Variants in NNT observed in about 807,000 individuals in gnomAD.
NNT encodes the protein nicotinamide nucleotide transhydrogenase, also known as NAD(P) transhydrogenase, mitochondrial.
NNT carries 50 observed loss-of-function variants against 104.8 expected under a neutral mutation model. The ratio of observed to expected loss-of-function variants is 0.48; its 90% CI spans 0.38 to 0.60. NNT has a LOEUF of 0.60. Among genes scored for constraint, NNT ranks in the 20% least tolerant of loss-of-function variants. The pLI is 0.00. For missense variants in NNT, 1,131 were observed against 1,330.7 expected (o/e 0.85, Z 2.33); for synonymous variants, 461 against 490.4 (o/e 0.94, Z 0.79).
chr5:43,661,389 T>TTTTATTTATTTATTTATTTA lies in NNT; in HGVS notation c.2634+2051_2634+2070dup, dbSNP rs372098953. On this transcript the variant is annotated intron_variant, in intron 17 of 21. Transcript: ENST00000344920. ...AACTTGCGGTTTGTCAGAAAGTGGC[T>TTTTATTTATTTATTTATTTA]TTTATTTATTTATTTATTTATTTAT... Among the ~76,000 whole-genome samples the TTTTATTTATTTATTTATTTA allele has an allele frequency of 2.0e-5, 3 of 151,086 alleles. No individual in the cohort carries two copies. In the East Asian group the frequency reaches 5.8e-4, roughly 29 times the overall value.
rs183599552 is a variant in NNT, at chr5:43,646,530, C to T, written c.1444+1020C>T. Among the ~76,000 whole-genome samples, 78 of 151,594 alleles carry T rather than the reference C, an allele frequency of 5.1e-4. No homozygotes were observed. The East Asian group carries it at 8.5e-3, about 17-fold the overall frequency. ...CCCAGGCTGGTCTTGAACTCCTGAGCTCAAGTGATCCTCCTGCCTTGGCCT... is the reference window on the plus strand; with the variant it reads ...CCCAGGCTGGTCTTGAACTCCTGAGTTCAAGTGATCCTCCTGCCTTGGCCT... On this transcript the variant is annotated intron_variant, in intron 10 of 21. Transcript: ENST00000344920.
intron 19 of NNT, among the ~76,000 whole-genome samples, chr5:43,690,319 C>T (rs1181435798): frequency 6.6e-6 from 1 of 151,888 alleles, no homozygotes; most frequent in African/African-American, 2.4e-5. Flanking sequence ...TTTGAAGGCA[C>T]TGAATTTGTG....
chr5:43,655,365 G>A lies in NNT; in HGVS notation c.2060-475G>A, dbSNP rs183917603. Among the ~76,000 whole-genome samples, 7 of 152,240 alleles carry A rather than the reference G, an allele frequency of 4.6e-5. No individual in the cohort carries two copies. The East Asian group carries it at 1.4e-3, about 29-fold the overall frequency. On this transcript the variant is annotated intron_variant, in intron 14 of 21. Transcript: ENST00000344920. ...TATACAAGTTGAGCATCTTTAATCC[G>A]AAAATCCAAAATGCTCCAAAATCCA...
chr5:43,605,914 C>G lies in NNT; in HGVS notation c.-54+2620C>G, dbSNP rs117807018. Among the ~76,000 whole-genome samples, 261 of 152,242 alleles carry G rather than the reference C, an allele frequency of 1.7e-3. 5 individuals are homozygous for G. Among genetic ancestry groups the G allele is most frequent in the East Asian group, 0.012 (62 of 5,180 alleles). The stretch of plus-strand genomic sequence containing the variant: ...GTCTGATGCCCCTGCCAAGGATCTG[C>G]TGAACATCAAATTACCATTTTCCAA... On this transcript the variant is annotated intron_variant, in intron 1 of 21. Transcript: ENST00000344920.
intron 7 of NNT, among the ~76,000 whole-genome samples, chr5:43,636,148 A>G (rs1750919534): frequency 6.6e-6 from 1 of 152,210 alleles, no homozygotes; most frequent in Admixed American, 6.6e-5. Context: ...AAAAATTTCT[A>G]CCTTGCAAAG....
At chr5:43,670,637 G>A (rs1186802282) in intron 17 of NNT, among the ~76,000 whole-genome samples, 1 of 152,216 alleles carries the variant, frequency 6.6e-6, no homozygotes, top group Non-Finnish European at 1.5e-5. Flanking sequence ...TTGCACTGTG[G>A]TCTGAGAGAG....
chr5:43,663,809 CTTTGTG>C (rs1244520595), intron 17 of NNT, among the ~76,000 whole-genome samples: 2 of 152,148 alleles, frequency 1.3e-5, no homozygotes, highest in Admixed American at 1.3e-4. Context: ...TATTATTCAC[CTTTGTG>C]TTTGTGGAGT....
At chr5:43,682,241 T>C (rs1054933020) in intron 19 of NNT, among the ~76,000 whole-genome samples, 37 of 149,272 alleles carry the variant, frequency 2.5e-4, no homozygotes, top group African/African-American at 9.2e-4. Context: ...GTTGGAATCT[T>C]GCTCTGTCAC....
At chr5:43,648,647 A>G (rs532426834) in intron 10 of NNT, among the ~76,000 whole-genome samples, 1 of 152,244 alleles carries the variant, frequency 6.6e-6, no homozygotes, top group East Asian at 1.9e-4. Flanking sequence ...GCTGGAGTGA[A>G]TGAAATTCTT....
intron 1 of NNT, among the ~76,000 whole-genome samples, chr5:43,603,550 A>C (rs1749045169): frequency 1.3e-5 from 2 of 152,136 alleles, no homozygotes; most frequent in African/African-American, 4.8e-5. Context: ...GCGATGTCGA[A>C]GGGAGTGGGC....
At chr5:43,697,248 C>T (rs1742605310) in intron 19 of NNT, among the ~76,000 whole-genome samples, 1 of 152,212 alleles carries the variant, frequency 6.6e-6, no homozygotes, top group South Asian at 2.1e-4. Context: ...AAGTTCTGCA[C>T]ACCTCTAGGG....
intron 19 of NNT, among the ~76,000 whole-genome samples, chr5:43,697,229 T>G (rs139387189): frequency 6.6e-6 from 1 of 152,218 alleles, no homozygotes; most frequent in Non-Finnish European, 1.5e-5. Context: ...ATCATCTCAC[T>G]CAAGTTCAAA....
At position 43,704,569 on chromosome 5, in the gene NNT, G is replaced by A. The variant is rs538347397; in HGVS notation, c.*165G>A. ...AACTGTATAGAGAGATTTTTCAAAA[G>A]CAGTAATCCCTCAATTTTAAAAAAG... is the stretch of plus-strand genomic sequence containing the variant. On this transcript the variant is annotated 3_prime_UTR_variant, in exon 22 of 22. Coordinates refer to ENST00000344920, the MANE Select transcript of NNT (RefSeq NM_182977.3). 1.8e-4 allele frequency: 102 copies of A among 553,348 alleles called. 1 individual carries two copies. In the East Asian group the frequency reaches 3.5e-3, roughly 19 times the overall value. The allele number at this position is 553,348 out of a possible 1,614,324, so 34.3% of individuals were successfully genotyped here. A position where few individuals can be genotyped will look rare whatever the true frequency, so the allele number is the denominator to read the frequency against.
chr5:43,646,174 G>A (rs1248231971), intron 10 of NNT, among the ~76,000 whole-genome samples: 1 of 152,058 alleles, frequency 6.6e-6, no homozygotes, highest in African/African-American at 2.4e-5. Flanking sequence ...GTAAATAGAG[G>A]CACTGTGCTA....
At chr5:43,701,965 C>T (rs953952992) in intron 20 of NNT, among the ~76,000 whole-genome samples, 2 of 151,234 alleles carry the variant, frequency 1.3e-5, no homozygotes, top group Non-Finnish European at 2.9e-5. Context: ...ATTTTATTTG[C>T]TTGTTGAGTT....
chr5:43,634,649 T>C (rs928510979), intron 7 of NNT, among the ~76,000 whole-genome samples: 3 of 152,184 alleles, frequency 2.0e-5, no homozygotes, highest in Non-Finnish European at 4.4e-5. Flanking sequence ...GTTTTGAGGA[T>C]ATTGAAGACA....
chr5:43,681,599 C>A (rs753997764), intron 19 of NNT, among the ~76,000 whole-genome samples: 1 of 152,002 alleles, frequency 6.6e-6, no homozygotes, highest in Non-Finnish European at 1.5e-5. Flanking sequence ...GGGGTTTCGC[C>A]ACGTTGGCCA....
At chr5:43,700,321 A>G in intron 20 of NNT, 84 bp downstream of exon 20, 1 of 920,190 alleles carries the variant, frequency 1.1e-6, no homozygotes. Context: ...TTGTAGATTC[A>G]GTGAAGACTG....
intron 19 of NNT, among the ~76,000 whole-genome samples, chr5:43,699,353 C>CTTT (rs11397352): frequency 0.061 from 7,454 of 122,406 alleles, 468 homozygotes; most frequent in East Asian, 0.18. Context: ...ATCTCCCTAC[C>CTTT]TTTTTTTTTT....
Sources: gnomAD v4.1 joint callset for allele counts (sites outside exome capture counted in the v4.1 genomes callset) on GRCh38, gnomAD v4.1.1 for gene constraint, MANE v1.5 for transcripts, NCBI Gene and HGNC (gene_info 2026-07-23, HGNC 2026-07-21) for gene names.